The following STXBP4 variants were observed in gnomAD, a reference collection of about 807,000 sequenced individuals.
STXBP4 encodes syntaxin-binding protein 4.
A neutral mutation model predicts 76.1 loss-of-function variants in STXBP4; 55 were observed. That is an observed-to-expected ratio of 0.72 (90% confidence interval 0.58 to 0.91). The LOEUF is 0.91. Among genes scored for constraint, STXBP4 ranks in the 40% least tolerant of loss-of-function variants. The pLI, the probability that STXBP4 is intolerant of heterozygous loss-of-function variation, is 0.00. For synonymous variants in STXBP4, 201 were observed against 220.2 expected (o/e 0.91, Z 0.77); for missense variants, 618 against 636.9 (o/e 0.97, Z 0.32).
chr17:55,208,577 AGAAGGAAGGAAG>A, the STXBP4 span, among the ~76,000 whole-genome samples: 2 of 90,334 alleles, frequency 2.2e-5, no homozygotes, highest in African/African-American at 4.6e-5. Context: ...GAGGGAGGGA[AGAAGGAAGGAAG>A]GAAGGAAGGA....
At chr17:54,998,954 A>G (rs1352398552) in intron 4 of STXBP4, among the ~76,000 whole-genome samples, 1 of 152,170 alleles carries the variant, frequency 6.6e-6, no homozygotes, top group Non-Finnish European at 1.5e-5. Context: ...TGCAGAGAAA[A>G]TAAAATAAAT....
chr17:55,204,825 CACACACACACACACACACAA>C, the STXBP4 span, among the ~76,000 whole-genome samples: 2 of 61,190 alleles, frequency 3.3e-5, no homozygotes, highest in African/African-American at 1.2e-4. Context: ...CACACACACA[CACACACACACACACACACAA>C]ACACACATAC....
At chr17:54,995,256 T>C (rs1033185701) in intron 4 of STXBP4, among the ~76,000 whole-genome samples, 1 of 152,192 alleles carries the variant, frequency 6.6e-6, no homozygotes, top group Non-Finnish European at 1.5e-5. Context: ...TGGCACCATT[T>C]GGGCTCCACA....
At chr17:55,022,038 A>C (rs897968998) in intron 8 of STXBP4, among the ~76,000 whole-genome samples, 1 of 152,068 alleles carries the variant, frequency 6.6e-6, no homozygotes, top group African/African-American at 2.4e-5. Flanking sequence ...TTGATTTAAT[A>C]ACACATGATA....
intron 16 of STXBP4, among the ~76,000 whole-genome samples, chr17:55,139,684 A>G (rs769438102): frequency 3.9e-5 from 6 of 152,130 alleles, no homozygotes; most frequent in Admixed American, 6.6e-5. Flanking sequence ...GGAGACATAT[A>G]GTGACAGTCA....
chr17:54,999,758 T>G lies in STXBP4; in HGVS notation c.414T>G (p.Ser138Arg). ...ATGGACCTCAAGCCTCAACATTAAG[T>G]CTTTTTTCTTCTCCTCCTGAAATAC... ...GEYGPQASTL[S>R]LFSSPPEILI... The change falls in exon 6 of 18, where the codon AGT becomes AGG. Residue 138 changes from serine (S) to arginine (R), a missense_variant. By Grantham distance (110) the Ser-to-Arg change is moderately radical (BLOSUM62 -1). Transcript: ENST00000376352. 6.2e-7 allele frequency: 1 copy of G among 1,613,638 alleles called. No individual in the cohort carries two copies. Among genetic ancestry groups the G allele is most frequent in the Non-Finnish European group, 8.5e-7 (1 of 1,179,744 alleles).
chr17:55,013,833 G>A (rs938162559), intron 8 of STXBP4, among the ~76,000 whole-genome samples: 2 of 152,176 alleles, frequency 1.3e-5, no homozygotes, highest in African/African-American at 4.8e-5. Context: ...GGTGAGTTGA[G>A]ACATTGGGTT....
intron 1 of STXBP4, among the ~76,000 whole-genome samples, chr17:54,981,780 T>C (rs1311005403): frequency 1.3e-5 from 2 of 152,160 alleles, no homozygotes; most frequent in African/African-American, 4.8e-5. Context: ...CAATTCTTAA[T>C]GCTGATAGAG....
At chr17:55,213,045 G>A in the STXBP4 span, among the ~76,000 whole-genome samples, 1 of 152,190 alleles carries the variant, frequency 6.6e-6, no homozygotes, top group Non-Finnish European at 1.5e-5. Flanking sequence ...TGGGGACACC[G>A]TGGTGTAGAA....
chr17:55,010,018 A>G (rs2078079097), intron 8 of STXBP4, among the ~76,000 whole-genome samples: 1 of 152,024 alleles, frequency 6.6e-6, no homozygotes, highest in South Asian at 2.1e-4. Flanking sequence ...AGTAATAAAT[A>G]AGGCCAATGT....
chr17:55,082,471 T>G (rs2541236), intron 16 of STXBP4, among the ~76,000 whole-genome samples: 109,458 of 151,938 alleles, frequency 0.72, 39,680 homozygotes, highest in East Asian at 0.91. Flanking sequence ...TTCCAGATTT[T>G]AGTAATTACA....
chr17:55,020,004 G>A (rs1252037815), intron 8 of STXBP4, among the ~76,000 whole-genome samples: 1 of 152,062 alleles, frequency 6.6e-6, no homozygotes, highest in Non-Finnish European at 1.5e-5. Context: ...TTTCTCTTAT[G>A]TTAGCCTATT....
intron 14 of STXBP4, 91 bp downstream of exon 14, chr17:55,078,285 A>AAT: frequency 1.2e-6 from 1 of 819,752 alleles, no homozygotes. Flanking sequence ...TACCTAGTGA[A>AAT]ACATTCTCTA....
chr17:55,072,894 C>A lies in STXBP4; in HGVS notation c.1012-6C>A, dbSNP rs1185072801. The A allele has an allele frequency of 1.9e-6, 3 of 1,582,918 alleles. No individual in the cohort carries two copies. Among genetic ancestry groups the A allele is most frequent in the Non-Finnish European group, 2.6e-6 (3 of 1,167,232 alleles). On this transcript the variant is annotated splice_polypyrimidine_tract_variant and splice_region_variant and intron_variant, in intron 12 of 17. Transcript: ENST00000376352. ...TTTTAAATGACATTAATTTTGAAAT[C>A]TTTAGGAAGCCAAAGCTGTAGTTGA...
chr17:55,058,743 T>TA (rs1242939464), intron 12 of STXBP4, among the ~76,000 whole-genome samples: 1 of 152,160 alleles, frequency 6.6e-6, no homozygotes, highest in East Asian at 1.9e-4. Context: ...TTTTATGAAA[T>TA]ACGTTTCCCA....
At chr17:55,091,185 T>C (rs753751836) in intron 16 of STXBP4, among the ~76,000 whole-genome samples, 2 of 152,158 alleles carry the variant, frequency 1.3e-5, no homozygotes, top group Admixed American at 1.3e-4. Context: ...AAGTTGAAAG[T>C]AAACATTTCA....
chr17:55,046,847 A>G (rs1820826489), intron 11 of STXBP4, among the ~76,000 whole-genome samples: 1 of 151,928 alleles, frequency 6.6e-6, no homozygotes, highest in South Asian at 2.1e-4. Context: ...CTTCTGTTAG[A>G]GCTTATATTT....
At chr17:55,032,154 A>G (rs551120456) in intron 9 of STXBP4, among the ~76,000 whole-genome samples, 4 of 152,320 alleles carry the variant, frequency 2.6e-5, no homozygotes, top group East Asian at 1.9e-4. Flanking sequence ...ATGTTTGAAT[A>G]TAACACTTTT....
chr17:55,181,828 C>T, the STXBP4 span, among the ~76,000 whole-genome samples: 1 of 152,038 alleles, frequency 6.6e-6, no homozygotes, highest in Non-Finnish European at 1.5e-5. Flanking sequence ...AGTTACTGAA[C>T]AGAAATTTTA....
Sources: allele counts gnomAD v4.1 joint callset (sites outside exome capture counted in the v4.1 genomes callset), GRCh38; gene constraint gnomAD v4.1.1; transcripts MANE v1.5; gene names NCBI Gene and HGNC (gene_info 2026-07-23, HGNC 2026-07-21).